BAX: variants seen among roughly 807,000 people sequenced by gnomAD.
BAX encodes BCL2 associated X, apoptosis regulator.
BAX carries 21 observed loss-of-function variants against 26.8 expected under a neutral mutation model. The ratio of observed to expected loss-of-function variants is 0.78; its 90% confidence interval spans 0.56 to 1.13. The LOEUF (loss-of-function observed/expected upper bound fraction) is 1.13. BAX is among the 50% of genes most tolerant of loss of function. The pLI is 0.00. For synonymous variants in BAX, 110 were observed against 101.8 expected, an observed-to-expected ratio of 1.08 and a Z score of -0.49; for missense variants, 236 against 254.6, an observed-to-expected ratio of 0.93 and a Z score of 0.50.
At chr19:48,961,043 C>A in intron 5 of BAX, 129 bp downstream of exon 5, 1 of 1,611,280 alleles carries the variant, frequency 6.2e-7, no homozygotes, top group Non-Finnish European at 8.5e-7. Context: ...GGTGCCCTCT[C>A]CCCATCTTCA....
In BAX at chr19:48,954,968, G is replaced by T; in HGVS notation, c.34+6G>T. The T allele has an allele frequency of 2.4e-6, 3 of 1,240,782 alleles. No homozygotes were observed. In the South Asian group the frequency reaches 1.2e-4, roughly 48 times the overall value. The allele number at this position is 1,240,782 out of a possible 1,614,324, so 76.9% of individuals were successfully genotyped here. On this transcript the variant is annotated splice_donor_region_variant and intron_variant, in intron 1 of 5. Transcript: ENST00000345358. Reference sequence around the variant, plus strand: ...GGAGCAGCCCAGAGGCGGGGGTGAGGCGGGAGGCAGACGGGCGGGAGGAGG... The same window carrying T: ...GGAGCAGCCCAGAGGCGGGGGTGAGTCGGGAGGCAGACGGGCGGGAGGAGG...
intron 4 of BAX, among the ~76,000 whole-genome samples, chr19:48,958,544 C>CTTT (rs1401538672): frequency 6.9e-4 from 4 of 5,766 alleles, no homozygotes; most frequent in Non-Finnish European, 1.1e-3. Context: ...TTCTTTCTTT[C>CTTT]TTTTTTTTTT....
rs1162278838 is a variant in BAX at position 48,955,961 on chromosome 19, C to T, written c.233+128C>T. On this transcript the variant is annotated intron_variant, in intron 3 of 5. Coordinates refer to ENST00000345358, the MANE Select transcript of BAX (RefSeq NM_138761.4). ...GCCCCACAACTCAGCGCAAACATTC[C>T]GGACTCCCAGCCCTCCTCTCTGCCA... 5.7e-6 allele frequency: 7 copies of T among 1,234,502 alleles called. No homozygotes were observed. The African/African-American group carries it at 6.1e-5, about 11-fold the overall frequency. 76.5% of individuals were successfully genotyped at this position (1,234,502 alleles called of 1,614,324 possible).
At chr19:48,956,962 G>C (rs937076881) in intron 4 of BAX, among the ~76,000 whole-genome samples, 1 of 150,392 alleles carries the variant, frequency 6.6e-6, no homozygotes, top group Non-Finnish European at 1.5e-5. Flanking sequence ...ATGAGCCACC[G>C]CAACAAGCCA....
intron 1 of BAX, 120 bp from the exon 2 acceptor site, chr19:48,955,428 G>A: frequency 8.6e-7 from 1 of 1,156,432 alleles, no homozygotes. Flanking sequence ...TTATCTGCTA[G>A]GGTCCCAGAA....
Position 48,960,819 on chromosome 19 carries a change from A to C in BAX, c.379A>C (p.Thr127Pro), listed in dbSNP as rs2038325218. The change falls in exon 5 of 6, where the codon ACC becomes CCC. Residue 127 changes from threonine (T) to proline (P), a missense_variant. Transcript: ENST00000345358. ...ASKLVLKALC[T>P]KVPELIRTIM... is the part of the protein sequence containing the mutation. ...ACTCCACTCCCCACAGGCCCTGTGC[A>C]CCAAGGTGCCGGAACTGATCAGAAC... is the stretch of plus-strand genomic sequence containing the variant. 1 of 1,611,162 alleles carries C rather than the reference A, an allele frequency of 6.2e-7. No individual in the cohort carries two copies. Among genetic ancestry groups the C allele is most frequent in the South Asian group, 1.1e-5 (1 of 91,000 alleles).
At chr19:48,955,623 T>C (rs1379161820) in intron 2 of BAX, 24 bp downstream of exon 2, 1 of 1,613,538 alleles carries the variant, frequency 6.2e-7, no homozygotes, top group East Asian at 2.2e-5. Flanking sequence ...CTGATTATTG[T>C]GGCACAGATT....
intron 4 of BAX, among the ~76,000 whole-genome samples, chr19:48,958,178 C>A (rs544561549): frequency 6.6e-6 from 1 of 151,076 alleles, no homozygotes; most frequent in East Asian, 1.9e-4. Context: ...AGCCTCAAAC[C>A]GCTGGGGTCA....
At position 48,956,241 on chromosome 19, in the gene BAX, T is replaced by C. The variant is rs777525298; in HGVS notation, c.277T>C (p.Phe93Leu). ...VDTDSPREVFFRVAADMFSDG... is the reference protein window; with the variant it reads ...VDTDSPREVFLRVAADMFSDG... ...CACAGACTCCCCCCGAGAGGTCTTTTTCCGAGTGGCAGCTGACATGTTTTC... is the reference window on the plus strand; with the variant it reads ...CACAGACTCCCCCCGAGAGGTCTTTCTCCGAGTGGCAGCTGACATGTTTTC... The change falls in exon 4 of 6, where the codon TTC (phenylalanine) becomes CTC (leucine). Residue 93 changes from phenylalanine (F) to leucine (L), a missense_variant. Phe to Leu is a conservative substitution (Grantham distance 22). Transcript: ENST00000345358. 4 of 1,592,324 alleles carry C rather than the reference T, an allele frequency of 2.5e-6. No homozygotes were observed. The highest frequency in any genetic ancestry group is 2.6e-6 in the Non-Finnish European group (3 of 1,169,712).
chr19:48,957,149 G>A (rs1415991272), intron 4 of BAX, among the ~76,000 whole-genome samples: 1 of 150,710 alleles, frequency 6.6e-6, no homozygotes, highest in African/African-American at 2.4e-5. Flanking sequence ...ACAGTAGGGA[G>A]GAGGCCAGTG....
chr19:48,956,990 C>T (rs986641822), intron 4 of BAX, among the ~76,000 whole-genome samples: 1 of 148,032 alleles, frequency 6.8e-6, no homozygotes, highest in Non-Finnish European at 1.5e-5. Context: ...CTTCTAAGGG[C>T]AGGTGACATC....
intron 4 of BAX, among the ~76,000 whole-genome samples, chr19:48,958,811 C>T (rs2038236916): frequency 6.6e-6 from 1 of 151,954 alleles, no homozygotes; most frequent in Non-Finnish European, 1.5e-5. Flanking sequence ...TCCCAAAGTG[C>T]TGGGATTACA....
chr19:48,957,006 G>A (rs1342531524), intron 4 of BAX, among the ~76,000 whole-genome samples: 1 of 150,452 alleles, frequency 6.6e-6, no homozygotes, highest in East Asian at 2.0e-4. Flanking sequence ...ACATCAAAGA[G>A]CAGGTGACAT....
chr19:48,957,096 G>A lies in BAX; in HGVS notation c.369+763G>A, dbSNP rs996927664. Among the ~76,000 whole-genome samples, 8 of 150,352 alleles carry A rather than the reference G, an allele frequency of 5.3e-5. 1 individual carries two copies. Among genetic ancestry groups the A allele is most frequent in the Non-Finnish European group, 1.2e-4 (8 of 67,680 alleles). ...GAAGAGGCATCTGGTAGAGGGAACA[G>A]CAAGTGCAAAGGCCCTGAGGTAGGA... On this transcript the variant is annotated intron_variant, in intron 4 of 5. Transcript: ENST00000345358.
chr19:48,961,288 T>C, intron 5 of BAX: 1 of 1,415,092 alleles, frequency 7.1e-7, no homozygotes, highest in Non-Finnish European at 9.2e-7. Flanking sequence ...GGTCTCGCTA[T>C]GTTGCCCAGG....
At chr19:48,956,451 A>T in intron 4 of BAX, 118 bp downstream of exon 4, 1 of 1,154,062 alleles carries the variant, frequency 8.7e-7, no homozygotes, top group South Asian at 1.8e-5. Context: ...ATGGAGAGAG[A>T]TGGCTGTGCA....
intron 1 of BAX, 122 bp downstream of exon 1, chr19:48,955,084 G>C (rs1285348941): frequency 1.1e-5 from 13 of 1,163,508 alleles, no homozygotes; most frequent in Non-Finnish European, 1.4e-5. Context: ...CTCCCGGATC[G>C]GGCGCTGCCA....
Position 48,960,880 on chromosome 19 carries a change from G to A in BAX, c.440G>A (p.Arg147Gln), listed in dbSNP as rs190602136. ...TGGACATTGGACTTCCTCCGGGAGC[G>A]GCTGTTGGGCTGGATCCAAGACCAG... is the stretch of plus-strand genomic sequence containing the variant. ...MGWTLDFLRERLLGWIQDQGG... is the reference protein window; with the variant it reads ...MGWTLDFLREQLLGWIQDQGG... The change falls in exon 5 of 6, where the codon CGG becomes CAG. Residue 147 changes from arginine (R) to glutamine (Q), a missense_variant. Coordinates refer to ENST00000345358, the MANE Select transcript of BAX (RefSeq NM_138761.4). The A allele has an allele frequency of 1.2e-6, 2 of 1,614,090 alleles. No individual in the cohort carries two copies. Among genetic ancestry groups the A allele is most frequent in the African/African-American group, 1.3e-5 (1 of 75,002 alleles).
rs1805417 is a variant in BAX at position 48,955,469 on chromosome 19, G to A, written c.35-79G>A. On this transcript the variant is annotated intron_variant, in intron 1 of 5. Coordinates refer to ENST00000345358, the MANE Select transcript of BAX (RefSeq NM_138761.4). ...GGGTCCCCAGCTCTGTCCTCCCTCA[G>A]GGGCCGTGAGTCTCCACAGTCTCCT... 809 of 1,496,598 alleles carry A rather than the reference G, an allele frequency of 5.4e-4. 16 individuals carry two copies. The Admixed American group carries it at 0.016, about 29-fold the overall frequency. The allele number at this position is 1,496,598 out of a possible 1,614,324, so 92.7% of individuals were successfully genotyped here. A position where few individuals can be genotyped will look rare whatever the true frequency, so the allele number is the denominator to read the frequency against.
Sources: allele counts gnomAD v4.1 joint callset (sites outside exome capture counted in the v4.1 genomes callset), GRCh38; gene constraint gnomAD v4.1.1; transcripts MANE v1.5; gene names NCBI Gene and HGNC (gene_info 2026-07-23, HGNC 2026-07-21).